Variants in ATL2 observed in about 807,000 individuals in gnomAD.
The protein encoded by ATL2 is atlastin GTPase 2.
In ATL2, 31 loss-of-function variants were observed where a neutral mutation model predicts 73.9. The observed-to-expected ratio is 0.42, with a 90% CI of 0.32 to 0.57. ATL2 has a LOEUF of 0.57. Among genes scored for constraint, ATL2 ranks in the 20% least tolerant of loss-of-function variants. ATL2 has a pLI of 0.14. For missense variants in ATL2, 738 were observed against 702.6 expected (o/e 1.05, Z -0.57); for synonymous variants, 291 against 237.5 (o/e 1.23, Z -2.07).
chr2:38,372,357 T>C (rs1366152700), intron 1 of ATL2, among the ~76,000 whole-genome samples: 1 of 152,184 alleles, frequency 6.6e-6, no homozygotes, highest in Non-Finnish European at 1.5e-5. Flanking sequence ...AACAATGATT[T>C]ACATTGTATT....
chr2:38,332,658 A>G (rs1178230434), intron 2 of ATL2, among the ~76,000 whole-genome samples: 3 of 152,176 alleles, frequency 2.0e-5, no homozygotes, highest in Admixed American at 1.3e-4. Context: ...AAAATCAAAT[A>G]CCTTTAGTGT....
chr2:38,299,561 T>C (rs1667079629), intron 10 of ATL2, among the ~76,000 whole-genome samples: 1 of 152,176 alleles, frequency 6.6e-6, no homozygotes, highest in Non-Finnish European at 1.5e-5. Flanking sequence ...AAAGTGTGTC[T>C]GCAGAAAACA....
intron 2 of ATL2, among the ~76,000 whole-genome samples, chr2:38,325,700 ACACACACAC>A (rs1668599955): frequency 3.8e-4 from 1 of 2,642 alleles, no homozygotes; most frequent in Non-Finnish European, 7.8e-4. Context: ...ACACACCAGT[ACACACACAC>A]ACACACACAC....
At chr2:38,370,413 C>A (rs1220445639) in intron 1 of ATL2, among the ~76,000 whole-genome samples, 3 of 138,082 alleles carry the variant, frequency 2.2e-5, no homozygotes, top group East Asian at 2.3e-4. Flanking sequence ...CGCGCCACTG[C>A]GCTCCAGCCT....
At chr2:38,321,374 T>C (rs1349237841) in intron 2 of ATL2, among the ~76,000 whole-genome samples, 1 of 152,174 alleles carries the variant, frequency 6.6e-6, no homozygotes, top group Non-Finnish European at 1.5e-5. Context: ...AGACCTCATC[T>C]ATGCTGGTCA....
intron 2 of ATL2, among the ~76,000 whole-genome samples, chr2:38,332,367 C>A (rs940545852): frequency 3.3e-5 from 5 of 152,078 alleles, no homozygotes; most frequent in Non-Finnish European, 7.4e-5. Flanking sequence ...CCACCACGCT[C>A]GGCTAATTTT....
chr2:38,334,881 TA>T, intron 2 of ATL2, among the ~76,000 whole-genome samples: 1 of 22,648 alleles, frequency 4.4e-5, no homozygotes, highest in East Asian at 3.8e-3. Context: ...ATATATATTA[TA>T]TAATATATAA....
In ATL2 at chr2:38,372,123, G is replaced by GTTTT. The variant is rs371482809; in HGVS notation, c.118+5016_118+5019dup. On this transcript the variant is annotated intron_variant, in intron 1 of 12. Transcript: ENST00000378954. The stretch of plus-strand genomic sequence containing the variant: ...CTGTTAGTATGGTTTCATGTTAATT[G>GTTTT]TTTTTTTTTTTTTTTTTGGCAATCC... Among the ~76,000 whole-genome samples the GTTTT allele has an allele frequency of 1.2e-3, 144 of 125,178 alleles. 5 individuals are homozygous for GTTTT. Among genetic ancestry groups the GTTTT allele is most frequent in the African/African-American group, 2.3e-3 (83 of 35,630 alleles). The allele number at this position is 125,178 out of a possible 152,430, so 82.1% of individuals were successfully genotyped here. A position where few individuals can be genotyped will look rare whatever the true frequency, so the allele number is the denominator to read the frequency against.
Position 38,298,463 on chromosome 2 carries a change from T to C in ATL2, c.1313A>G (p.Asp438Gly). ...QFRSVKKMGGDEFCRRYQDQL... is the reference protein window; with the variant it reads ...QFRSVKKMGGGEFCRRYQDQL... ...GTCCTGATAACGACGGCAGAACTCA[T>C]CTCCACCCATCTTTTTTACTGAACG... The change falls in exon 12 of 13, where the codon GAT becomes GGT. Residue 438 changes from aspartate (D) to glycine (G), a missense_variant. Asp to Gly is a moderately conservative substitution (Grantham distance 94). Coordinates refer to ENST00000378954, the MANE Select transcript of ATL2 (RefSeq NM_001135673.4). 6.2e-7 allele frequency: 1 copy of C among 1,614,194 alleles called. No individual in the cohort carries two copies. Among genetic ancestry groups the C allele is most frequent in the Non-Finnish European group, 8.5e-7 (1 of 1,180,020 alleles).
chr2:38,360,256 A>ATTTTTTTTT (rs1479165183), intron 1 of ATL2, among the ~76,000 whole-genome samples: 4 of 133,012 alleles, frequency 3.0e-5, no homozygotes, highest in African/African-American at 1.4e-4. Context: ...GGCTCAGGGG[A>ATTTTTTTTT]TTCTTTTTTT....
intron 9 of ATL2, among the ~76,000 whole-genome samples, chr2:38,304,924 T>C (rs747009755): frequency 6.6e-6 from 1 of 152,092 alleles, no homozygotes; most frequent in African/African-American, 2.4e-5. Flanking sequence ...ACTCCTTACT[T>C]ATCAGTAACA....
chr2:38,339,829 T>G (rs186988189), intron 2 of ATL2, among the ~76,000 whole-genome samples: 2 of 152,184 alleles, frequency 1.3e-5, no homozygotes, highest in African/African-American at 4.8e-5. Flanking sequence ...TAACTGGGAT[T>G]ACAGGTGCAT....
intron 9 of ATL2, among the ~76,000 whole-genome samples, chr2:38,302,206 G>A (rs993101139): frequency 3.3e-5 from 5 of 152,150 alleles, no homozygotes; most frequent in African/African-American, 1.2e-4. Context: ...TACTCACTAT[G>A]GGCCTTGGGT....
chr2:38,352,114 A>C (rs549323927), intron 1 of ATL2, among the ~76,000 whole-genome samples: 1 of 143,638 alleles, frequency 7.0e-6, no homozygotes, highest in South Asian at 2.2e-4. Flanking sequence ...CTGTTTCAAA[A>C]ACAAACAAAA....
chr2:38,334,721 A>G (rs1256691438), intron 2 of ATL2, among the ~76,000 whole-genome samples: 7 of 151,002 alleles, frequency 4.6e-5, no homozygotes, highest in Non-Finnish European at 1.0e-4. Context: ...AAACAAAAAA[A>G]TCTGGTCAAA....
At chr2:38,333,627 T>C (rs950245201) in intron 2 of ATL2, among the ~76,000 whole-genome samples, 1 of 152,218 alleles carries the variant, frequency 6.6e-6, no homozygotes, top group African/African-American at 2.4e-5. Flanking sequence ...TAATTTATGT[T>C]CTCTCAAATC....
At chr2:38,343,212 A>C in intron 2 of ATL2, 56 bp downstream of exon 2, 1 of 1,020,318 alleles carries the variant, frequency 9.8e-7, no homozygotes. Flanking sequence ...TTTTTTTAAC[A>C]GGCATGGTTG....
rs752833051 is a variant in ATL2, at chr2:38,298,129, A to T, written c.1632+15T>A. The T allele has an allele frequency of 3.2e-6, 5 of 1,581,286 alleles. No homozygotes were observed. The highest frequency in any genetic ancestry group is 1.8e-5 in the Admixed American group (1 of 54,642). ...ATAAGATTAGTCACTAAAAAACCAA[A>T]AGATAGATACCAACCTGTTCCCATA... On this transcript the variant is annotated intron_variant, in intron 12 of 12. Coordinates refer to ENST00000378954, the MANE Select transcript of ATL2 (RefSeq NM_001135673.4).
At chr2:38,314,762 T>C in intron 5 of ATL2, 98 bp from the exon 6 acceptor site, 1 of 731,484 alleles carries the variant, frequency 1.4e-6, no homozygotes, top group South Asian at 2.0e-5. Context: ...CCAGAACCTT[T>C]AAAATCATTT....
Sources: allele counts gnomAD v4.1 joint callset (sites outside exome capture counted in the v4.1 genomes callset), GRCh38; gene constraint gnomAD v4.1.1; transcripts MANE v1.5; gene names NCBI Gene and HGNC (gene_info 2026-07-23, HGNC 2026-07-21).